The following EXOC5 variants were observed in gnomAD, a reference collection of about 807,000 sequenced individuals.
EXOC5 encodes SEC10-like 1.
A neutral mutation model predicts 90.8 loss-of-function variants in EXOC5; 17 were observed. The observed-to-expected ratio is 0.19, with a 90% CI of 0.13 to 0.28. The LOEUF is 0.28. Ranked by LOEUF, EXOC5 falls within the 10% of genes least tolerant of loss-of-function variation. EXOC5 has a pLI of 1.00. For synonymous variants in EXOC5, 260 were observed against 270.0 expected, an observed-to-expected ratio of 0.96 and a Z score of 0.36; for missense variants, 569 against 830.6, an observed-to-expected ratio of 0.69 and a Z score of 3.87.
chr14:57,234,510 C>CGTGTGTGTGTGT (rs375548706), intron 7 of EXOC5, among the ~76,000 whole-genome samples: 27 of 130,612 alleles, frequency 2.1e-4, no homozygotes, highest in Middle Eastern at 4.3e-3. Context: ...TGTATATATA[C>CGTGTGTGTGTGT]GTGTGTGTGT....
intron 15 of EXOC5, among the ~76,000 whole-genome samples, chr14:57,212,651 G>C (rs1314480741): frequency 6.6e-6 from 1 of 152,188 alleles, no homozygotes. Flanking sequence ...ATTTTCATCA[G>C]CAACAACCCT....
At chr14:57,243,536 T>A (rs2139650796) in intron 4 of EXOC5, 2 of 152,330 alleles carry the variant, frequency 1.3e-5, no homozygotes, top group South Asian at 4.1e-4. Flanking sequence ...CATTTTGATT[T>A]TTTTTCCCCT....
In EXOC5 at chr14:57,206,058, T is replaced by C; in HGVS notation, c.*2551A>G. The C allele has an allele frequency of 2.2e-6, 1 of 447,196 alleles. No individual in the cohort carries two copies. Among genetic ancestry groups the C allele is most frequent in the Non-Finnish European group, 4.5e-6 (1 of 223,596 alleles). The allele number at this position is 447,196 out of a possible 1,614,324, so 27.7% of individuals were successfully genotyped here. On this transcript the variant is annotated 3_prime_UTR_variant, in exon 18 of 18. Coordinates refer to ENST00000621441, the MANE Select transcript of EXOC5 (RefSeq NM_006544.4). ...ATTCGTATTCTGTATTTCAGATATT[T>C]CTCAATTTTAGAAAAACAATGCACA...
chr14:57,225,855 G>A (rs973065370), intron 12 of EXOC5, among the ~76,000 whole-genome samples: 2 of 152,284 alleles, frequency 1.3e-5, no homozygotes, highest in African/African-American at 2.4e-5. Flanking sequence ...CCGGAAAGGC[G>A]GGACAACTTG....
intron 1 of EXOC5, among the ~76,000 whole-genome samples, chr14:57,258,745 G>A (rs1247467838): frequency 2.6e-5 from 4 of 152,120 alleles, no homozygotes; most frequent in African/African-American, 9.7e-5. Context: ...CCTTGGACAG[G>A]AACATAAATC....
At chr14:57,210,659 G>A (rs1019088613) in intron 15 of EXOC5, among the ~76,000 whole-genome samples, 1 of 152,108 alleles carries the variant, frequency 6.6e-6, no homozygotes, top group Non-Finnish European at 1.5e-5. Flanking sequence ...TGGACAATCC[G>A]TGGCTGTCTG....
intron 13 of EXOC5, among the ~76,000 whole-genome samples, chr14:57,221,097 G>T (rs1883124313): frequency 6.6e-6 from 1 of 152,200 alleles, no homozygotes; most frequent in Non-Finnish European, 1.5e-5. Context: ...GCTGGGAGAA[G>T]AGGGCTACTT....
intron 4 of EXOC5, among the ~76,000 whole-genome samples, chr14:57,242,147 GA>G (rs1242195979): frequency 2.2e-5 from 3 of 135,804 alleles, no homozygotes; most frequent in East Asian, 2.6e-4. Context: ...AAAAAAAAAA[GA>G]AAAAAAAGAA....
chr14:57,247,397 CAATA>C (rs1566502627), intron 2 of EXOC5, among the ~76,000 whole-genome samples: 2 of 152,068 alleles, frequency 1.3e-5, no homozygotes, highest in Non-Finnish European at 2.9e-5. Flanking sequence ...TTCTTATACT[CAATA>C]AAATTACTTC....
chr14:57,231,395 G>T, intron 11 of EXOC5, 111 bp downstream of exon 11: 1 of 691,958 alleles, frequency 1.4e-6, no homozygotes, highest in South Asian at 2.0e-5. Flanking sequence ...TGGATTAAAA[G>T]AACTCTTCAC....
chr14:57,239,308 C>T (rs960255583), intron 5 of EXOC5, among the ~76,000 whole-genome samples: 2 of 152,124 alleles, frequency 1.3e-5, no homozygotes, highest in Non-Finnish European at 2.9e-5. Flanking sequence ...TAACCTCAGT[C>T]GATTTCAAAA....
intron 4 of EXOC5, among the ~76,000 whole-genome samples, chr14:57,242,942 T>C (rs1437385026): frequency 1.3e-5 from 2 of 152,212 alleles, no homozygotes; most frequent in Non-Finnish European, 2.9e-5. Flanking sequence ...TAATGTCTTT[T>C]GCAGCAACTT....
intron 1 of EXOC5, among the ~76,000 whole-genome samples, chr14:57,249,099 T>G (rs542522158): frequency 6.6e-6 from 1 of 152,292 alleles, no homozygotes; most frequent in East Asian, 1.9e-4. Flanking sequence ...GCTAAAATTT[T>G]TTAAGTACTT....
intron 1 of EXOC5, among the ~76,000 whole-genome samples, chr14:57,254,241 G>A (rs1193078809): frequency 6.6e-6 from 1 of 151,864 alleles, no homozygotes; most frequent in African/African-American, 2.4e-5. Flanking sequence ...TCGAGACCAG[G>A]ATGGCAAACA....
chr14:57,267,349 A>T (rs996167321), intron 1 of EXOC5, among the ~76,000 whole-genome samples: 3 of 152,162 alleles, frequency 2.0e-5, no homozygotes, highest in Non-Finnish European at 4.4e-5. Flanking sequence ...AACATATATT[A>T]CTCCTCTCAA....
rs752484718 is a variant in EXOC5, at chr14:57,244,206, C to G, written c.424G>C (p.Asp142His). ...KLMKYFNEFL[D>H]GELKSDVFTN... The stretch of plus-strand genomic sequence containing the variant: ...AAAACATCAGATTTCAATTCTCCAT[C>G]TAGAAACTCATTAAAGTATTTCATC... The change falls in exon 4 of 18, where the codon GAT (aspartate) becomes CAT (histidine). Residue 142 changes from aspartate to histidine, a missense_variant. Asp to His is a moderately conservative substitution (Grantham distance 81, BLOSUM62 -1). Transcript: ENST00000621441. 2 of 1,613,822 alleles carry G rather than the reference C, an allele frequency of 1.2e-6. No homozygotes were observed. The highest frequency in any genetic ancestry group is 1.7e-5 in the Admixed American group (1 of 59,996).
chr14:57,268,761 C>T lies in EXOC5; in HGVS notation c.-113G>A. 1 of 1,462,864 alleles carries T rather than the reference C, an allele frequency of 6.8e-7. No individual in the cohort carries two copies. The highest frequency in any genetic ancestry group is 9.0e-7 in the Non-Finnish European group (1 of 1,112,516). 90.6% of individuals were successfully genotyped at this position (1,462,864 alleles called of 1,614,324 possible). A position where few individuals can be genotyped will look rare whatever the true frequency, so the allele number is the denominator to read the frequency against. Reference sequence around the variant, plus strand: ...TCGGCTCGCCAGCTCCGGCTCCGGGCCGCTGCGGGCTCCCCAGCTCCCCAC... The same window carrying T: ...TCGGCTCGCCAGCTCCGGCTCCGGGTCGCTGCGGGCTCCCCAGCTCCCCAC... On this transcript the variant is annotated 5_prime_UTR_variant, in exon 1 of 18. Coordinates refer to ENST00000621441, the MANE Select transcript of EXOC5 (RefSeq NM_006544.4).
intron 1 of EXOC5, among the ~76,000 whole-genome samples, chr14:57,263,826 T>G (rs1368213409): frequency 6.6e-6 from 1 of 151,304 alleles, no homozygotes; most frequent in Non-Finnish European, 1.5e-5. Flanking sequence ...CCACTCCCTA[T>G]TCTTAAAATA....
chr14:57,244,609 T>C (rs1883978033), intron 3 of EXOC5, among the ~76,000 whole-genome samples: 1 of 152,096 alleles, frequency 6.6e-6, no homozygotes, highest in Non-Finnish European at 1.5e-5. Context: ...AAAAAGCTGT[T>C]TACTCCTCAT....
Sources: allele counts gnomAD v4.1 joint callset (sites outside exome capture counted in the v4.1 genomes callset), GRCh38; gene constraint gnomAD v4.1.1; transcripts MANE v1.5; gene names NCBI Gene and HGNC (gene_info 2026-07-23, HGNC 2026-07-21).